The following NCKAP5 variants were observed in gnomAD, a reference collection of about 807,000 sequenced individuals.
NCKAP5 encodes the protein NCK associated protein 5.
A neutral mutation model predicts 167.0 loss-of-function variants in NCKAP5; 92 were observed. The ratio of observed to expected loss-of-function variants is 0.55; its 90% CI spans 0.47 to 0.66. NCKAP5 has a LOEUF of 0.66. Among genes scored for constraint, NCKAP5 ranks in the 30% least tolerant of loss-of-function variants. The pLI, the probability that NCKAP5 is intolerant of heterozygous loss-of-function variation, is 0.00. For synonymous variants in NCKAP5, 891 were observed against 877.4 expected (o/e 1.02, Z -0.27); for missense variants, 2,378 against 2,315.0 (o/e 1.03, Z -0.56).
intron 2 of NCKAP5, among the ~76,000 whole-genome samples, chr2:133,544,511 G>A (rs946870223): frequency 8.1e-4 from 124 of 152,270 alleles, no homozygotes; most frequent in African/African-American, 2.4e-3. Flanking sequence ...GTCTTTCCAT[G>A]TCAAGATACC....
chr2:133,367,869 A>C (rs1289714240), intron 3 of NCKAP5, among the ~76,000 whole-genome samples: 2 of 152,132 alleles, frequency 1.3e-5, no homozygotes, highest in African/African-American at 2.4e-5. Flanking sequence ...AACAAACAAA[A>C]AAATTGGCTT....
At chr2:133,322,713 T>G (rs1331918446) in intron 3 of NCKAP5, among the ~76,000 whole-genome samples, 1 of 152,182 alleles carries the variant, frequency 6.6e-6, no homozygotes, top group Admixed American at 6.5e-5. Flanking sequence ...CTAGGACACA[T>G]AGAAGCTATG....
chr2:133,589,810 ATGGC>A, the NCKAP5 span, among the ~76,000 whole-genome samples: 1 of 152,188 alleles, frequency 6.6e-6, no homozygotes, highest in Non-Finnish European at 1.5e-5. Context: ...CCAGGCATTG[ATGGC>A]CTTAGAGAGA....
At chr2:132,873,762 G>A (rs1691028348) in intron 9 of NCKAP5, among the ~76,000 whole-genome samples, 1 of 152,168 alleles carries the variant, frequency 6.6e-6, no homozygotes, top group African/African-American at 2.4e-5. Context: ...ACTTGGGTTA[G>A]TGCATAATAA....
At chr2:133,498,472 AAGGAAGGAAG>A (rs1682156655) in intron 3 of NCKAP5, among the ~76,000 whole-genome samples, 6 of 122,634 alleles carry the variant, frequency 4.9e-5, no homozygotes, top group Non-Finnish European at 8.1e-5. Flanking sequence ...GGAAGGAAGG[AAGGAAGGAAG>A]GCAGGCAGGC....
At chr2:133,598,432 A>C in the NCKAP5 span, among the ~76,000 whole-genome samples, 1 of 152,178 alleles carries the variant, frequency 6.6e-6, no homozygotes, top group African/African-American at 2.4e-5. Context: ...TGGACCACAC[A>C]ACTCTGAGAA....
At chr2:133,247,245 T>G (rs1362499283) in intron 4 of NCKAP5, among the ~76,000 whole-genome samples, 2 of 152,238 alleles carry the variant, frequency 1.3e-5, no homozygotes, top group African/African-American at 4.8e-5. Context: ...TGTTTCTTCC[T>G]GATTTTCAAC....
chr2:132,795,877 C>A (rs1684562162), intron 12 of NCKAP5, among the ~76,000 whole-genome samples: 1 of 135,344 alleles, frequency 7.4e-6, no homozygotes, highest in Non-Finnish European at 1.6e-5. Context: ...GAGTTTCATT[C>A]TTCCCATTTT....
intron 13 of NCKAP5, among the ~76,000 whole-genome samples, chr2:132,786,985 C>G (rs551638937): frequency 6.6e-6 from 1 of 152,264 alleles, no homozygotes; most frequent in South Asian, 2.1e-4. Context: ...TAATAGAGAT[C>G]ACAGGTTACC....
At chr2:133,293,258 G>T (rs1339935663) in intron 4 of NCKAP5, among the ~76,000 whole-genome samples, 2 of 152,222 alleles carry the variant, frequency 1.3e-5, no homozygotes, top group African/African-American at 4.8e-5. Context: ...ACAGTGGGCA[G>T]ATTTGATAAG....
At chr2:132,718,577 A>G (rs1689601117) in intron 19 of NCKAP5, among the ~76,000 whole-genome samples, 1 of 152,234 alleles carries the variant, frequency 6.6e-6, no homozygotes, top group Non-Finnish European at 1.5e-5. Flanking sequence ...CTAAAAGTCT[A>G]TATCCTTGAG....
chr2:132,979,996 C>CTTTTTTTTTTTTT (rs1273323851), intron 7 of NCKAP5, among the ~76,000 whole-genome samples: 1 of 134,676 alleles, frequency 7.4e-6, no homozygotes, highest in African/African-American at 2.8e-5. Flanking sequence ...TTTTCTTTTT[C>CTTTTTTTTTTTTT]TTTTTTTTTT....
chr2:132,900,660 C>A (rs1266648197), intron 8 of NCKAP5, among the ~76,000 whole-genome samples: 1 of 152,076 alleles, frequency 6.6e-6, no homozygotes, highest in Non-Finnish European at 1.5e-5. Flanking sequence ...GTTATGAAAA[C>A]TACTGTTATT....
intron 8 of NCKAP5, among the ~76,000 whole-genome samples, chr2:132,959,058 TATAA>T (rs1033677586): frequency 1.8e-4 from 27 of 147,078 alleles, no homozygotes; most frequent in African/African-American, 6.7e-4. Flanking sequence ...ATTATTTATA[TATAA>T]ATATATTAAT....
chr2:133,112,338 G>T (rs903637698), intron 6 of NCKAP5, among the ~76,000 whole-genome samples: 1 of 152,114 alleles, frequency 6.6e-6, no homozygotes, highest in Admixed American at 6.5e-5. Flanking sequence ...GCCGGGTACG[G>T]CAGCATGTGC....
chr2:133,139,860 A>G (rs1312567545), intron 5 of NCKAP5, among the ~76,000 whole-genome samples: 3 of 152,200 alleles, frequency 2.0e-5, no homozygotes, highest in Non-Finnish European at 4.4e-5. Context: ...ATGTTTACAG[A>G]GGCTGACCAA....
intron 11 of NCKAP5, among the ~76,000 whole-genome samples, chr2:132,837,558 A>ATT (rs113122061): frequency 4.0e-4 from 60 of 148,542 alleles, no homozygotes; most frequent in African/African-American, 8.9e-4. Context: ...GTATAGTACA[A>ATT]TTTTTTTTTT....
At chr2:133,525,238 C>T (rs1197833443) in intron 2 of NCKAP5, among the ~76,000 whole-genome samples, 1 of 152,136 alleles carries the variant, frequency 6.6e-6, no homozygotes, top group Admixed American at 6.5e-5. Context: ...TGACAACAAC[C>T]CTTTTCTTTC....
intron 2 of NCKAP5, among the ~76,000 whole-genome samples, chr2:133,533,490 G>C (rs1459673332): frequency 1.3e-5 from 2 of 152,160 alleles, no homozygotes; most frequent in Non-Finnish European, 2.9e-5. Flanking sequence ...TATTTTTAAA[G>C]TTTGAATTAA....
Sources: allele counts gnomAD v4.1 joint callset (sites outside exome capture counted in the v4.1 genomes callset), GRCh38; gene constraint gnomAD v4.1.1; transcripts MANE v1.5; gene names NCBI Gene and HGNC (gene_info 2026-07-23, HGNC 2026-07-21).